The following ENTREP2 variants were observed in gnomAD, a reference collection of about 807,000 sequenced individuals.
ENTREP2 encodes the protein protein ENTREP2.
At chr15:29,518,150 G>A in the ENTREP2 span, among the ~76,000 whole-genome samples, 35 of 152,170 alleles carry the variant, frequency 2.3e-4, no homozygotes, top group South Asian at 1.0e-3. Context: ...AGGCTACAGC[G>A]AGCTATGATT....
the ENTREP2 span, among the ~76,000 whole-genome samples, chr15:29,156,645 G>A: frequency 2.5e-3 from 376 of 152,256 alleles, 3 homozygotes; most frequent in African/African-American, 8.6e-3. Context: ...AGCCCAGGAG[G>A]AGGCATGCAG....
the ENTREP2 span, among the ~76,000 whole-genome samples, chr15:29,165,763 C>T: frequency 6.6e-6 from 1 of 152,100 alleles, no homozygotes; most frequent in Non-Finnish European, 1.5e-5. Flanking sequence ...TGGTACCAAT[C>T]CTTTTGACAC....
chr15:29,455,931 T>A, the ENTREP2 span, among the ~76,000 whole-genome samples: 2 of 152,204 alleles, frequency 1.3e-5, no homozygotes, highest in Non-Finnish European at 2.9e-5. Flanking sequence ...CTATCTCCCA[T>A]CATCCCCAGA....
the ENTREP2 span, among the ~76,000 whole-genome samples, chr15:29,369,050 T>TG: frequency 1.4e-4 from 21 of 151,850 alleles, no homozygotes; most frequent in African/African-American, 5.1e-4. Context: ...GAATAAACAA[T>TG]GAAGAAAAAT....
chr15:29,482,140 G>C, the ENTREP2 span, among the ~76,000 whole-genome samples: 1 of 151,464 alleles, frequency 6.6e-6, no homozygotes, highest in Admixed American at 6.6e-5. Context: ...TGGGATTACA[G>C]GTGCCTGCAA....
At chr15:29,390,661 T>C in the ENTREP2 span, among the ~76,000 whole-genome samples, 1 of 152,312 alleles carries the variant, frequency 6.6e-6, no homozygotes, top group Non-Finnish European at 1.5e-5. Context: ...GTCAAAGACC[T>C]GCCCATTTGA....
the ENTREP2 span, among the ~76,000 whole-genome samples, chr15:29,666,821 C>G: frequency 6.6e-6 from 1 of 152,224 alleles, no homozygotes; most frequent in African/African-American, 2.4e-5. Flanking sequence ...TGTAGTCTCT[C>G]ACAGTTCCAG....
the ENTREP2 span, among the ~76,000 whole-genome samples, chr15:29,204,860 G>A: frequency 5.9e-5 from 9 of 151,990 alleles, no homozygotes; most frequent in Non-Finnish European, 1.0e-4. Context: ...ACCATTTGTC[G>A]GCATACAGTT....
chr15:29,514,266 C>T, the ENTREP2 span, among the ~76,000 whole-genome samples: 1 of 152,192 alleles, frequency 6.6e-6, no homozygotes, highest in Non-Finnish European at 1.5e-5. Flanking sequence ...CACCATTCTG[C>T]TTTCTGTCTC....
At chr15:29,304,234 G>A in the ENTREP2 span, among the ~76,000 whole-genome samples, 1 of 151,972 alleles carries the variant, frequency 6.6e-6, no homozygotes, top group Non-Finnish European at 1.5e-5. Context: ...ACAGATCATC[G>A]AGGCAGAAAA....
the ENTREP2 span, among the ~76,000 whole-genome samples, chr15:29,634,876 A>T: frequency 2.6e-5 from 4 of 152,190 alleles, no homozygotes; most frequent in African/African-American, 9.6e-5. Flanking sequence ...GGCATGGAAG[A>T]GGGAGCACGA....
the ENTREP2 span, among the ~76,000 whole-genome samples, chr15:29,434,973 C>G: frequency 6.6e-6 from 1 of 152,096 alleles, no homozygotes; most frequent in Non-Finnish European, 1.5e-5. Context: ...CAGCTATGAT[C>G]CAGGTTGAGA....
chr15:29,608,011 T>A, the ENTREP2 span, among the ~76,000 whole-genome samples: 1 of 152,136 alleles, frequency 6.6e-6, no homozygotes, highest in East Asian at 1.9e-4. Context: ...GCAGGAAGCA[T>A]CCAGCATGGA....
At chr15:29,626,074 G>A in the ENTREP2 span, among the ~76,000 whole-genome samples, 1 of 152,056 alleles carries the variant, frequency 6.6e-6, no homozygotes, top group Non-Finnish European at 1.5e-5. Context: ...TCTTGAACTC[G>A]TGACCTATAT....
the ENTREP2 span, among the ~76,000 whole-genome samples, chr15:29,412,750 T>A: frequency 6.6e-6 from 1 of 152,130 alleles, no homozygotes; most frequent in East Asian, 1.9e-4. Flanking sequence ...TTGTTAGAAT[T>A]TTCAAGGAGC....
chr15:29,124,871 G>C, the ENTREP2 span: 7 of 960,798 alleles, frequency 7.3e-6, no homozygotes, highest in East Asian at 1.8e-4. Flanking sequence ...GCAAGCAGGA[G>C]AAGCCTGCTG....
At chr15:29,480,980 C>T in the ENTREP2 span, among the ~76,000 whole-genome samples, 2 of 152,202 alleles carry the variant, frequency 1.3e-5, no homozygotes, top group East Asian at 1.9e-4. Flanking sequence ...ACTGAGTCAG[C>T]GAGGGAAAGT....
the ENTREP2 span, among the ~76,000 whole-genome samples, chr15:29,426,322 C>G: frequency 1.3e-5 from 2 of 152,142 alleles, no homozygotes; most frequent in East Asian, 3.9e-4. Context: ...GCATTATCTT[C>G]TAGCATTTGA....
chr15:29,525,343 T>C, the ENTREP2 span, among the ~76,000 whole-genome samples: 1 of 152,356 alleles, frequency 6.6e-6, no homozygotes, highest in Non-Finnish European at 1.5e-5. Context: ...ATGTCCATCA[T>C]GCGATGCATG....
Sources: allele counts gnomAD v4.1 joint callset (sites outside exome capture counted in the v4.1 genomes callset), GRCh38; gene constraint gnomAD v4.1.1; transcripts MANE v1.5; gene names NCBI Gene and HGNC (gene_info 2026-07-23, HGNC 2026-07-21).